RBFOX1: variants seen among roughly 807,000 people sequenced by gnomAD.
The protein encoded by RBFOX1 is RNA binding fox-1 homolog 1, also known as RNA binding protein fox-1 homolog 1.
RBFOX1 carries 8 observed loss-of-function variants against 57.7 expected under a neutral mutation model. The observed-to-expected ratio is 0.14, with a 90% CI of 0.08 to 0.25. RBFOX1 has a LOEUF of 0.25. RBFOX1 is among the 10% of genes least tolerant of loss of function. RBFOX1 has a pLI of 1.00. For missense variants in RBFOX1, 611 were observed against 548.5 expected, an observed-to-expected ratio of 1.11 and a Z score of -1.14; for synonymous variants, 326 against 222.4, an observed-to-expected ratio of 1.47 and a Z score of -4.15.
At chr16:6,267,733 C>G (rs190328274) in intron 1 of RBFOX1, among the ~76,000 whole-genome samples, 2 of 152,114 alleles carry the variant, frequency 1.3e-5, no homozygotes, top group African/African-American at 2.4e-5. Context: ...AAAGAGTCAA[C>G]TGAATTCGGG....
chr16:7,440,283 C>T (rs142454445), intron 4 of RBFOX1, among the ~76,000 whole-genome samples: 2 of 152,066 alleles, frequency 1.3e-5, no homozygotes, highest in African/African-American at 4.8e-5. Flanking sequence ...ATCCCAGCCA[C>T]AGCATATTAG....
At chr16:6,385,163 C>A (rs1596412970) in intron 2 of RBFOX1, among the ~76,000 whole-genome samples, 2 of 152,308 alleles carry the variant, frequency 1.3e-5, no homozygotes, top group South Asian at 4.1e-4. Flanking sequence ...AAGATGCTCT[C>A]AGTGTGGACA....
chr16:7,434,044 A>G (rs1678569244), intron 4 of RBFOX1, among the ~76,000 whole-genome samples: 1 of 152,210 alleles, frequency 6.6e-6, no homozygotes, highest in South Asian at 2.1e-4. Context: ...TCAAGCCTGA[A>G]TGATCAGAAA....
At chr16:7,636,899 G>A (rs546121591) in intron 11 of RBFOX1, among the ~76,000 whole-genome samples, 12 of 152,094 alleles carry the variant, frequency 7.9e-5, no homozygotes, top group Non-Finnish European at 1.5e-4. Context: ...ATAAGGGCAT[G>A]AATCTTATGA....
intron 14 of RBFOX1, among the ~76,000 whole-genome samples, chr16:7,680,038 G>C (rs191650297): frequency 6.6e-5 from 10 of 152,270 alleles, no homozygotes; most frequent in Admixed American, 1.3e-4. Context: ...CGTTTCCTGA[G>C]CTTGAACCAA....
At chr16:7,239,893 A>G (rs1330713758) in intron 4 of RBFOX1, among the ~76,000 whole-genome samples, 1 of 151,254 alleles carries the variant, frequency 6.6e-6, no homozygotes, top group Non-Finnish European at 1.5e-5. Flanking sequence ...TGCTAAAAGG[A>G]ACATTTCTCA....
chr16:5,557,409 A>T (rs956117614), intron 2 of RBFOX1, among the ~76,000 whole-genome samples: 1 of 152,064 alleles, frequency 6.6e-6, no homozygotes. Context: ...TTGGGTCCCC[A>T]TATGAAGCTT....
rs2078275957 is a variant in RBFOX1, at chr16:7,694,808, T to G, written c.996-14248T>G. ...AAACAAAAGGGGAGACCGCTTGGAA[T>G]GGGAGGTAGGGGTGGGGAATAATGT... is the stretch of plus-strand genomic sequence containing the variant. On this transcript the variant is annotated intron_variant, in intron 14 of 15. Transcript: ENST00000550418. 2.0e-5 allele frequency among the ~76,000 whole-genome samples: 3 copies of G among 152,072 alleles called. No individual in the cohort carries two copies. In the South Asian group the frequency reaches 6.2e-4, roughly 32 times the overall value.
At chr16:6,037,663 C>G (rs149666539) in intron 1 of RBFOX1, 2 of 151,542 alleles carry the variant, frequency 1.3e-5, no homozygotes, top group African/African-American at 4.9e-5. Flanking sequence ...GGTGCAATCT[C>G]GGCTCACTGC....
chr16:5,426,302 C>G (rs575589594), intron 1 of RBFOX1, among the ~76,000 whole-genome samples: 3 of 152,290 alleles, frequency 2.0e-5, no homozygotes, highest in South Asian at 4.1e-4. Flanking sequence ...CATTCCTGAT[C>G]TGATTCAGGA....
intron 3 of RBFOX1, among the ~76,000 whole-genome samples, chr16:6,666,276 A>G (rs1056171356): frequency 6.6e-6 from 1 of 152,150 alleles, no homozygotes; most frequent in Admixed American, 6.5e-5. Context: ...GCTCATGCCT[A>G]TAATCCCAGC....
intron 4 of RBFOX1, among the ~76,000 whole-genome samples, chr16:7,154,961 CTG>C (rs1193140210): frequency 1.3e-5 from 2 of 152,098 alleles, no homozygotes; most frequent in Non-Finnish European, 2.9e-5. Context: ...CTTTAAATAA[CTG>C]TATCCTCAGA....
At chr16:5,745,942 A>G (rs1156468913) in intron 3 of RBFOX1, among the ~76,000 whole-genome samples, 1 of 152,138 alleles carries the variant, frequency 6.6e-6, no homozygotes, top group East Asian at 1.9e-4. Context: ...CTTTAGTTTA[A>G]TTAGATCCCA....
At chr16:7,343,726 C>A (rs1437857517) in intron 4 of RBFOX1, among the ~76,000 whole-genome samples, 1 of 152,074 alleles carries the variant, frequency 6.6e-6, no homozygotes, top group Non-Finnish European at 1.5e-5. Flanking sequence ...AGGGTGTGAG[C>A]TCTAGAGCAG....
chr16:5,730,206 G>A (rs2052313605), intron 3 of RBFOX1, among the ~76,000 whole-genome samples: 1 of 152,182 alleles, frequency 6.6e-6, no homozygotes, highest in South Asian at 2.1e-4. Context: ...ACCACAATTA[G>A]GGGAGCCTTG....
At chr16:6,330,505 G>T (rs1466323228) in intron 2 of RBFOX1, among the ~76,000 whole-genome samples, 1 of 152,172 alleles carries the variant, frequency 6.6e-6, no homozygotes, top group African/African-American at 2.4e-5. Context: ...TAACATTCCT[G>T]TGATGCTCTT....
At chr16:5,649,918 G>C (rs189878087) in intron 3 of RBFOX1, among the ~76,000 whole-genome samples, 2 of 152,146 alleles carry the variant, frequency 1.3e-5, no homozygotes, top group South Asian at 2.1e-4. Context: ...TTCATCAGAG[G>C]AGGTAGCACT....
At chr16:7,369,790 T>C (rs2097534647) in intron 4 of RBFOX1, among the ~76,000 whole-genome samples, 1 of 152,184 alleles carries the variant, frequency 6.6e-6, no homozygotes, top group African/African-American at 2.4e-5. Context: ...ATAATAATAA[T>C]AATTGCAGTG....
At chr16:6,352,004 C>A (rs1211063795) in intron 2 of RBFOX1, among the ~76,000 whole-genome samples, 1 of 152,102 alleles carries the variant, frequency 6.6e-6, no homozygotes, top group Non-Finnish European at 1.5e-5. Flanking sequence ...CTGTATTTAC[C>A]CAAACCTACC....
Sources: allele counts gnomAD v4.1 joint callset (sites outside exome capture counted in the v4.1 genomes callset), GRCh38; gene constraint gnomAD v4.1.1; transcripts MANE v1.5; gene names NCBI Gene and HGNC (gene_info 2026-07-23, HGNC 2026-07-21).